Variants in HVCN1 observed in about 807,000 individuals in gnomAD.
HVCN1 encodes the protein voltage-gated hydrogen channel 1.
A neutral mutation model predicts 29.2 loss-of-function variants in HVCN1; 14 were observed. That is an observed-to-expected ratio of 0.48 (90% CI 0.32 to 0.75). The LOEUF is 0.75. Among genes scored for constraint, HVCN1 ranks in the 30% least tolerant of loss-of-function variants. The pLI, the probability that HVCN1 is intolerant of heterozygous loss-of-function variation, is 0.04. For missense variants in HVCN1, 263 were observed against 341.8 expected (o/e 0.77, Z 1.82); for synonymous variants, 131 against 133.2 (o/e 0.98, Z 0.11).
At chr12:110,685,682 T>C (rs545889622) in intron 2 of HVCN1, among the ~76,000 whole-genome samples, 54 of 151,994 alleles carry the variant, frequency 3.6e-4, no homozygotes, top group African/African-American at 1.3e-3. Context: ...CTTTTTTTTT[T>C]GTTGTTGTTG....
chr12:110,697,472 C>G (rs1197778815), intron 2 of HVCN1, among the ~76,000 whole-genome samples: 3 of 151,942 alleles, frequency 2.0e-5, no homozygotes, highest in Admixed American at 1.3e-4. Flanking sequence ...ATAGGGTGAA[C>G]AGCGCAGAGA....
intron 2 of HVCN1, among the ~76,000 whole-genome samples, chr12:110,684,610 C>T (rs913163533): frequency 6.6e-6 from 1 of 151,892 alleles, no homozygotes; most frequent in Non-Finnish European, 1.5e-5. Context: ...TTTTTTTGGT[C>T]CGTAAGGATC....
At chr12:110,660,658 A>G (rs1386846010) in intron 4 of HVCN1, among the ~76,000 whole-genome samples, 1 of 152,190 alleles carries the variant, frequency 6.6e-6, no homozygotes, top group African/African-American at 2.4e-5. Flanking sequence ...TGTAACCATC[A>G]CCACTATAAT....
At chr12:110,665,008 G>C (rs2068296518) in intron 3 of HVCN1, among the ~76,000 whole-genome samples, 1 of 152,132 alleles carries the variant, frequency 6.6e-6, no homozygotes, top group Non-Finnish European at 1.5e-5. Flanking sequence ...CATGCCTTAT[G>C]AGTAGACCTA....
At position 110,678,624 on chromosome 12, in the gene HVCN1, G is replaced by A. The variant is rs144766556; in HGVS notation, c.21+4601C>T. Among the ~76,000 whole-genome samples the A allele has an allele frequency of 6.1e-3, 919 of 151,620 alleles. 16 individuals carry two copies. The highest frequency in any genetic ancestry group is 0.021 in the African/African-American group (848 of 41,334). ...CACCACCACGCCTGGCTAATTTTTT[G>A]TATTTTTAATAGAGATGGGGTTTCT... On this transcript the variant is annotated intron_variant, in intron 3 of 7. Coordinates refer to ENST00000242607, the MANE Select transcript of HVCN1 (RefSeq NM_032369.4).
Position 110,661,438 on chromosome 12 carries a change from C to T in HVCN1, c.32G>A (p.Arg11His), listed in dbSNP as rs760337938. The T allele has an allele frequency of 2.4e-5, 38 of 1,613,722 alleles. No individual in the cohort carries two copies. Among genetic ancestry groups the T allele is most frequent in the East Asian group, 1.6e-4 (7 of 44,888 alleles). The stretch of plus-strand genomic sequence containing the variant: ...CTCAGCGGGAGCCACCTTGGCCCTG[C>T]GGGTGACTGCCTAGAAGGCGGGGAC... MATWDEKAVT[R>H]RAKVAPAERM... Residue 11 changes from arginine to histidine, a missense_variant, in exon 4 of 8, where the codon CGC becomes CAC. This residue lies in a region of HVCN1 where 157 missense variants were observed against 181.3 expected (regional missense o/e 0.87). Transcript: ENST00000242607. This position sits in a 1 kb window ranked among gnomAD's most constrained non-coding sequence, Gnocchi z 6.2.
intron 3 of HVCN1, among the ~76,000 whole-genome samples, chr12:110,662,562 G>A (rs1437395635): frequency 6.6e-6 from 1 of 152,108 alleles, no homozygotes; most frequent in Non-Finnish European, 1.5e-5. Flanking sequence ...AAAATTAGCT[G>A]GGTATAGTGG....
intron 7 of HVCN1, 82 bp downstream of exon 7, chr12:110,650,086 C>A: frequency 2.3e-6 from 2 of 877,474 alleles, no homozygotes; most frequent in Non-Finnish European, 3.8e-6. Flanking sequence ...CTCAGGTGCT[C>A]CACCTGCCTT....
chr12:110,692,623 C>T (rs184518629), upstream of HVCN1, among the ~76,000 whole-genome samples: 14 of 152,198 alleles, frequency 9.2e-5, no homozygotes, highest in East Asian at 2.7e-3. Flanking sequence ...ACTCAGGAGG[C>T]TGAGGTGGGA....
chr12:110,691,170 C>A (rs1329750834), upstream of HVCN1, among the ~76,000 whole-genome samples: 1 of 152,168 alleles, frequency 6.6e-6, no homozygotes, highest in Non-Finnish European at 1.5e-5. Flanking sequence ...TCATGCCATT[C>A]TCCTGCCCCA....
chr12:110,663,320 TG>T (rs1383257745), intron 3 of HVCN1, among the ~76,000 whole-genome samples: 2 of 151,994 alleles, frequency 1.3e-5, no homozygotes, highest in Non-Finnish European at 2.9e-5. Context: ...TTCACCTAGT[TG>T]GGCAGGTGTG....
intron 3 of HVCN1, among the ~76,000 whole-genome samples, chr12:110,666,898 C>A (rs914194297): frequency 3.3e-5 from 5 of 152,162 alleles, no homozygotes; most frequent in Non-Finnish European, 7.3e-5. Flanking sequence ...TTATGTGCAG[C>A]CACATATTTT....
At chr12:110,693,510 CT>C (rs1249134069), upstream of HVCN1, among the ~76,000 whole-genome samples, 1 of 151,744 alleles carries the variant, frequency 6.6e-6, no homozygotes, top group African/African-American at 2.4e-5. Context: ...CGCCACTGCA[CT>C]CCAGCCTGGG....
intron 5 of HVCN1, 104 bp downstream of exon 5, chr12:110,655,130 G>T: frequency 2.6e-6 from 2 of 765,588 alleles, no homozygotes; most frequent in Non-Finnish European, 4.7e-6. Flanking sequence ...CACAGACCTT[G>T]CTACTCCAAG....
At chr12:110,679,822 C>T (rs1001785146) in intron 3 of HVCN1, among the ~76,000 whole-genome samples, 8 of 150,928 alleles carry the variant, frequency 5.3e-5, no homozygotes, top group Non-Finnish European at 1.0e-4. Flanking sequence ...CACTGCAGTC[C>T]GCAGTCCGGC....
intron 2 of HVCN1, among the ~76,000 whole-genome samples, chr12:110,696,558 A>G (rs112092044): frequency 7.9e-5 from 12 of 152,184 alleles, no homozygotes; most frequent in African/African-American, 2.9e-4. Flanking sequence ...CTAAGAAAAA[A>G]AAAAAGGAAA....
chr12:110,685,654 T>C (rs2136457938), intron 2 of HVCN1, among the ~76,000 whole-genome samples: 1 of 152,154 alleles, frequency 6.6e-6, no homozygotes, highest in African/African-American at 2.4e-5. Flanking sequence ...AGCGCTTCCA[T>C]AAATAACCCT....
At chr12:110,696,334 C>A (rs191860048) in intron 2 of HVCN1, among the ~76,000 whole-genome samples, 1 of 152,124 alleles carries the variant, frequency 6.6e-6, no homozygotes, top group African/African-American at 2.4e-5. Flanking sequence ...ATCAAGCATA[C>A]GGCTGGTGGC....
chr12:110,656,334 G>A (rs1268217607), intron 4 of HVCN1, among the ~76,000 whole-genome samples: 1 of 152,170 alleles, frequency 6.6e-6, no homozygotes, highest in Non-Finnish European at 1.5e-5. Flanking sequence ...GGCTGACAGA[G>A]GACAGGTGGG....
Sources: allele counts gnomAD v4.1 joint callset (sites outside exome capture counted in the v4.1 genomes callset), GRCh38; gene constraint gnomAD v4.1.1; regional missense constraint gnomAD v4.1.1; non-coding constraint Gnocchi (gnomAD v3.1); transcripts MANE v1.5; gene names NCBI Gene and HGNC (gene_info 2026-07-23, HGNC 2026-07-21).